The following SLC12A8 variants were observed in gnomAD, a reference collection of about 807,000 sequenced individuals.
The protein encoded by SLC12A8 is cation-chloride cotransporter 9.
In SLC12A8, 69 loss-of-function variants were observed where a neutral mutation model predicts 75.6. The observed-to-expected ratio is 0.91, with a 90% CI of 0.75 to 1.11. SLC12A8 has a LOEUF of 1.11. Ranked by LOEUF, SLC12A8 falls within the 50% of genes most tolerant of loss-of-function variation. SLC12A8 has a pLI of 0.00. For missense variants in SLC12A8, 877 were observed against 896.7 expected (o/e 0.98, Z 0.28); for synonymous variants, 365 against 372.8 (o/e 0.98, Z 0.24).
At position 125,116,977 on chromosome 3, in the gene SLC12A8, C is replaced by T. The variant is rs79565267; in HGVS notation, c.912+1792G>A. On this transcript the variant is annotated intron_variant, in intron 8 of 13. Transcript: ENST00000469902. Reference sequence around the variant, plus strand: ...TACAAATGAGGGCTATAGATTCCTGCCCTGAGAGCAAACCTTGCCACCTGG... The same window carrying T: ...TACAAATGAGGGCTATAGATTCCTGTCCTGAGAGCAAACCTTGCCACCTGG... Among the ~76,000 whole-genome samples the T allele has an allele frequency of 6.3e-3, 952 of 152,248 alleles. 9 individuals carry two copies. The highest frequency in any genetic ancestry group is 0.021 in the African/African-American group (856 of 41,522).
intron 5 of SLC12A8, among the ~76,000 whole-genome samples, chr3:125,175,806 T>C (rs1289500372): frequency 6.6e-6 from 1 of 151,956 alleles, no homozygotes; most frequent in Admixed American, 6.6e-5. Context: ...GTCAAATATT[T>C]AGCAAGCTGC....
intron 5 of SLC12A8, chr3:125,155,189 G>C (rs1015967811): frequency 1.3e-5 from 2 of 152,144 alleles, no homozygotes; most frequent in African/African-American, 4.8e-5. Flanking sequence ...TGAAACCGTG[G>C]GTGGCGGGGT....
At chr3:125,168,908 C>A (rs192315784) in intron 5 of SLC12A8, among the ~76,000 whole-genome samples, 1 of 152,320 alleles carries the variant, frequency 6.6e-6, no homozygotes, top group East Asian at 1.9e-4. Context: ...GGACCTGTGC[C>A]TGGCCTGGCC....
intron 4 of SLC12A8, among the ~76,000 whole-genome samples, chr3:125,186,151 TAA>T (rs35218604): frequency 2.9e-5 from 4 of 136,104 alleles, no homozygotes; most frequent in Non-Finnish European, 3.2e-5. Flanking sequence ...AGCAGAGAAG[TAA>T]AAAAAAAAAA....
intron 5 of SLC12A8, among the ~76,000 whole-genome samples, chr3:125,142,406 A>G (rs1467869829): frequency 2.0e-5 from 3 of 152,236 alleles, no homozygotes; most frequent in African/African-American, 7.2e-5. Flanking sequence ...GTTACAGGTT[A>G]TCAGGGAGGA....
chr3:125,177,219 G>T (rs200708633), intron 5 of SLC12A8, among the ~76,000 whole-genome samples: 1 of 150,242 alleles, frequency 6.7e-6, no homozygotes, highest in African/African-American at 2.5e-5. Context: ...GCAAACTATC[G>T]CAAGGACAAA....
At chr3:125,186,652 T>A (rs930120431) in intron 4 of SLC12A8, among the ~76,000 whole-genome samples, 1 of 152,240 alleles carries the variant, frequency 6.6e-6, no homozygotes, top group African/African-American at 2.4e-5. Context: ...GCCTTAGGAT[T>A]TCCCCCTACT....
chr3:125,161,600 C>T (rs1370559637), intron 5 of SLC12A8, among the ~76,000 whole-genome samples: 1 of 151,756 alleles, frequency 6.6e-6, no homozygotes, highest in East Asian at 1.9e-4. Flanking sequence ...TTCGTCCCAG[C>T]TATCTGGATC....
intron 2 of SLC12A8, among the ~76,000 whole-genome samples, chr3:125,197,574 G>A (rs190096087): frequency 6.6e-6 from 1 of 152,190 alleles, no homozygotes; most frequent in South Asian, 2.1e-4. Context: ...TTACAGGTGT[G>A]AGCCACCCCA....
chr3:125,192,319 C>T lies in SLC12A8; in HGVS notation c.52-1798G>A, dbSNP rs1190829629. On this transcript the variant is annotated intron_variant, in intron 2 of 13. Transcript: ENST00000469902. Reference sequence around the variant, plus strand: ...ATGGAGGCTGAGAGAAGAAACCTGACGGCCCAGTCTCACAGCCAGGGCTTC... The same window carrying T: ...ATGGAGGCTGAGAGAAGAAACCTGATGGCCCAGTCTCACAGCCAGGGCTTC... Among the ~76,000 whole-genome samples the T allele has an allele frequency of 3.9e-5, 6 of 152,134 alleles. No individual in the cohort carries two copies. In the East Asian group the frequency reaches 7.7e-4, roughly 20 times the overall value.
At chr3:125,138,631 G>A (rs1049822570) in intron 5 of SLC12A8, among the ~76,000 whole-genome samples, 9 of 152,206 alleles carry the variant, frequency 5.9e-5, no homozygotes, top group Admixed American at 3.3e-4. Context: ...AAAACACACC[G>A]AAATACTAAC....
chr3:125,190,547 G>A (rs543293392), intron 2 of SLC12A8, 26 bp from the exon 3 acceptor site: 1 of 1,611,792 alleles, frequency 6.2e-7, no homozygotes, highest in African/African-American at 1.3e-5. Flanking sequence ...ACAGAAATCA[G>A]CTGAGGGGCC....
intron 8 of SLC12A8, among the ~76,000 whole-genome samples, chr3:125,114,440 T>G (rs1217942070): frequency 1.3e-5 from 2 of 152,244 alleles, no homozygotes; most frequent in Non-Finnish European, 2.9e-5. Flanking sequence ...GTTTTGTATT[T>G]TTGAGACAGA....
intron 2 of SLC12A8, among the ~76,000 whole-genome samples, chr3:125,210,687 T>C (rs550510341): frequency 1.3e-5 from 2 of 152,154 alleles, no homozygotes; most frequent in Non-Finnish European, 2.9e-5. Flanking sequence ...GAAAACTTCA[T>C]GTTGAGTGAT....
chr3:125,168,133 G>A (rs1035624673), intron 5 of SLC12A8, among the ~76,000 whole-genome samples: 2 of 152,204 alleles, frequency 1.3e-5, no homozygotes, highest in Non-Finnish European at 2.9e-5. Flanking sequence ...TATCTAAATG[G>A]CCCACAGAGG....
chr3:125,175,878 C>A (rs953957737), intron 5 of SLC12A8, among the ~76,000 whole-genome samples: 1 of 152,186 alleles, frequency 6.6e-6, no homozygotes, highest in African/African-American at 2.4e-5. Context: ...TAGAGTGGGC[C>A]CTGGGGTTAA....
intron 5 of SLC12A8, among the ~76,000 whole-genome samples, chr3:125,163,147 T>C (rs909109697): frequency 6.7e-6 from 1 of 149,516 alleles, no homozygotes; most frequent in Non-Finnish European, 1.5e-5. Context: ...CTACAAAAGA[T>C]ACAAAAAGAT....
At chr3:125,103,318 G>A (rs1413027872) in intron 10 of SLC12A8, among the ~76,000 whole-genome samples, 1 of 152,022 alleles carries the variant, frequency 6.6e-6, no homozygotes, top group Non-Finnish European at 1.5e-5. Flanking sequence ...GAGCCCAAGA[G>A]AAAAACCTCT....
rs746443127 is a variant in SLC12A8, at chr3:125,092,213, A to C, written c.1706-15T>G. The stretch of plus-strand genomic sequence containing the variant: ...CAGGAAGAAATCTAAAAAATAGCCA[A>C]AGATTTGGCTGCCAAATTGCTATCA... On this transcript the variant is annotated splice_polypyrimidine_tract_variant and intron_variant, in intron 10 of 13. Coordinates refer to ENST00000469902, the MANE Select transcript of SLC12A8 (RefSeq NM_024628.6). 1.1e-5 allele frequency: 18 copies of C among 1,593,688 alleles called. 1 individual carries two copies. The South Asian group carries it at 2.0e-4, about 18-fold the overall frequency.
Sources: gnomAD v4.1 joint callset for allele counts (sites outside exome capture counted in the v4.1 genomes callset) on GRCh38, gnomAD v4.1.1 for gene constraint, MANE v1.5 for transcripts, NCBI Gene and HGNC (gene_info 2026-07-23, HGNC 2026-07-21) for gene names.